The following TAS2R1 variants were observed in gnomAD, a reference collection of about 807,000 sequenced individuals.
The protein encoded by TAS2R1 is taste 2 receptor member 1, also known as taste receptor type 2 member 1.
For missense variants in TAS2R1, 370 were observed against 353.4 expected (o/e 1.05, Z -0.38); for synonymous variants, 141 against 134.2 (o/e 1.05, Z -0.35).
At chr5:9,801,377 C>G in the TAS2R1 span, among the ~76,000 whole-genome samples, 41,186 of 152,140 alleles carry the variant, frequency 0.27, 6,909 homozygotes, top group Non-Finnish European at 0.37. Context: ...GAAGCCCAAG[C>G]TGATATTTTT....
At chr5:9,893,683 C>A in the TAS2R1 span, among the ~76,000 whole-genome samples, 28 of 152,312 alleles carry the variant, frequency 1.8e-4, no homozygotes, top group Admixed American at 3.3e-4. Context: ...CCTCTCCCCT[C>A]AGAGAGAAGG....
the TAS2R1 span, among the ~76,000 whole-genome samples, chr5:9,847,754 T>C: frequency 5.9e-5 from 9 of 152,274 alleles, no homozygotes; most frequent in South Asian, 1.9e-3. Context: ...AAGGTTCCAT[T>C]AGCCAAGGGC....
At chr5:9,823,252 T>G in the TAS2R1 span, among the ~76,000 whole-genome samples, 1 of 152,174 alleles carries the variant, frequency 6.6e-6, no homozygotes, top group Admixed American at 6.5e-5. Context: ...CAGCTTATCA[T>G]AGCGTTTCTC....
chr5:9,729,091 C>T, the TAS2R1 span, among the ~76,000 whole-genome samples: 78 of 152,284 alleles, frequency 5.1e-4, no homozygotes, highest in African/African-American at 1.8e-3. Context: ...GCCTTTAATC[C>T]CATTTTATAA....
At chr5:9,757,855 T>C in the TAS2R1 span, among the ~76,000 whole-genome samples, 1 of 152,096 alleles carries the variant, frequency 6.6e-6, no homozygotes, top group Non-Finnish European at 1.5e-5. Flanking sequence ...TCTGTAGGAG[T>C]ATTATTAGCT....
At chr5:9,799,735 T>C in the TAS2R1 span, among the ~76,000 whole-genome samples, 2 of 152,314 alleles carry the variant, frequency 1.3e-5, no homozygotes, top group Non-Finnish European at 2.9e-5. Flanking sequence ...TACTAAACTT[T>C]AAAGTAACTG....
intron 1 of TAS2R1, among the ~76,000 whole-genome samples, chr5:9,662,490 T>G (rs961891362): frequency 2.0e-5 from 3 of 152,092 alleles, no homozygotes; most frequent in African/African-American, 4.8e-5. Flanking sequence ...GGAGTGACAG[T>G]TGTCACTCCC....
chr5:9,686,622 T>A (rs1366556113), intron 1 of TAS2R1, among the ~76,000 whole-genome samples: 2 of 151,810 alleles, frequency 1.3e-5, no homozygotes, highest in African/African-American at 4.8e-5. Context: ...GGAGAGGAAG[T>A]GGGCAGAAAG....
intron 1 of TAS2R1, among the ~76,000 whole-genome samples, chr5:9,682,796 C>G (rs1043500709): frequency 2.0e-5 from 3 of 152,166 alleles, no homozygotes; most frequent in African/African-American, 7.2e-5. Context: ...CCTCATTCAG[C>G]CTACAACCCC....
chr5:9,827,901 A>T, the TAS2R1 span, among the ~76,000 whole-genome samples: 2 of 152,162 alleles, frequency 1.3e-5, no homozygotes, highest in Non-Finnish European at 2.9e-5. Context: ...ATTTCAAACA[A>T]ATTTACCTAC....
chr5:9,722,875 T>C, the TAS2R1 span, among the ~76,000 whole-genome samples: 1 of 152,266 alleles, frequency 6.6e-6, no homozygotes, highest in Non-Finnish European at 1.5e-5. Context: ...CCATCGGCTC[T>C]GCTTTGCCCT....
chr5:9,698,367 G>C (rs751083223), intron 1 of TAS2R1, among the ~76,000 whole-genome samples: 3 of 152,124 alleles, frequency 2.0e-5, no homozygotes, highest in Non-Finnish European at 4.4e-5. Context: ...GATTATTTAT[G>C]TTTGATCACT....
chr5:9,841,216 A>T, the TAS2R1 span, among the ~76,000 whole-genome samples: 40 of 152,266 alleles, frequency 2.6e-4, no homozygotes, highest in Admixed American at 2.5e-3. Context: ...GCTTACTTTG[A>T]ATTTATCCAT....
chr5:9,746,745 ATCACATACGAAGG>A, the TAS2R1 span, among the ~76,000 whole-genome samples: 10 of 152,330 alleles, frequency 6.6e-5, no homozygotes, highest in East Asian at 1.7e-3. Context: ...GGAGGGGAAC[ATCACATACGAAGG>A]CCCATCAGTG....
the TAS2R1 span, among the ~76,000 whole-genome samples, chr5:9,800,742 G>T: frequency 6.6e-6 from 1 of 152,164 alleles, no homozygotes; most frequent in Non-Finnish European, 1.5e-5. Flanking sequence ...TTATCCATTG[G>T]CCCTGTTGTG....
chr5:9,676,643 T>C (rs142833894), intron 1 of TAS2R1, among the ~76,000 whole-genome samples: 1 of 152,120 alleles, frequency 6.6e-6, no homozygotes, highest in South Asian at 2.1e-4. Context: ...AATGCAATAC[T>C]ACAAAACTTC....
the TAS2R1 span, among the ~76,000 whole-genome samples, chr5:9,774,305 G>A: frequency 1.3e-5 from 2 of 152,172 alleles, no homozygotes; most frequent in African/African-American, 4.8e-5. Context: ...AGGTTTATCC[G>A]ATGGAATTCT....
chr5:9,816,477 C>T, the TAS2R1 span, among the ~76,000 whole-genome samples: 1 of 151,602 alleles, frequency 6.6e-6, no homozygotes, highest in Non-Finnish European at 1.5e-5. Context: ...AATATAAAAC[C>T]CCTGTAATAA....
intron 1 of TAS2R1, among the ~76,000 whole-genome samples, chr5:9,708,544 C>T (rs377748345): frequency 3.9e-5 from 6 of 152,298 alleles, no homozygotes; most frequent in African/African-American, 1.4e-4. Flanking sequence ...CCACCAGCGT[C>T]TGTCACATAC....
Sources: allele counts gnomAD v4.1 joint callset (sites outside exome capture counted in the v4.1 genomes callset), GRCh38; gene constraint gnomAD v4.1.1; transcripts MANE v1.5; gene names NCBI Gene and HGNC (gene_info 2026-07-23, HGNC 2026-07-21).